FAM156A: variants seen among roughly 807,000 people sequenced by gnomAD.
FAM156A encodes the protein protein FAM156A/FAM156B.
At chrX:52,993,169 T>C (rs1930902345) in intron 1 of FAM156A, among the ~76,000 whole-genome samples, 1 of 111,027 alleles carries the variant, frequency 9.0e-6, no homozygotes, top group Admixed American at 9.6e-5. Flanking sequence ...TGAGCCTTTC[T>C]TTACCATCAC....
intron 1 of FAM156A, among the ~76,000 whole-genome samples, chrX:52,979,861 C>A (rs1441377495): frequency 1.8e-5 from 2 of 112,557 alleles, no homozygotes; most frequent in Non-Finnish European, 3.8e-5. Context: ...TTCCTCTGTA[C>A]CGACTGCAAC....
At chrX:52,995,287 C>T (rs782244611) in intron 1 of FAM156A, 1 of 112,821 alleles carries the variant, frequency 8.9e-6, no homozygotes, top group South Asian at 3.6e-4. Context: ...TAAGGATAAA[C>T]AAGACTGAAA....
intron 1 of FAM156A, among the ~76,000 whole-genome samples, chrX:52,980,118 T>A (rs782345582): frequency 7.1e-5 from 8 of 112,112 alleles, no homozygotes; most frequent in Non-Finnish European, 3.8e-5. Context: ...CACTTCCCTG[T>A]AAACTGGGTG....
intron 1 of FAM156A, among the ~76,000 whole-genome samples, chrX:52,983,872 G>A (rs1056302141): frequency 5.3e-5 from 6 of 112,465 alleles, no homozygotes; most frequent in Non-Finnish European, 7.5e-5. Context: ...GTTTCACAGC[G>A]TGTGTGAGGC....
chrX:52,979,856 C>A (rs1556793043), intron 1 of FAM156A, among the ~76,000 whole-genome samples: 1 of 112,606 alleles, frequency 8.9e-6, no homozygotes, highest in African/African-American at 3.2e-5. Flanking sequence ...GCTGTTTCCT[C>A]TGTACCGACT....
intron 1 of FAM156A, among the ~76,000 whole-genome samples, chrX:52,976,052 G>A (rs1467870590): frequency 2.7e-5 from 3 of 110,831 alleles, no homozygotes; most frequent in South Asian, 3.8e-4. Context: ...TGCTGCCCCC[G>A]AGGGTCACTG....
At chrX:52,977,678 C>T (rs1339028200) in intron 1 of FAM156A, among the ~76,000 whole-genome samples, 2 of 111,475 alleles carry the variant, frequency 1.8e-5, no homozygotes, top group South Asian at 3.8e-4. Context: ...CCAAGCAATC[C>T]TCCTGCCTTG....
chrX:52,982,572 A>G (rs1402385459), intron 1 of FAM156A, among the ~76,000 whole-genome samples: 1 of 112,197 alleles, frequency 8.9e-6, no homozygotes, highest in African/African-American at 3.2e-5. Context: ...ACTCAATGTA[A>G]TTCAATATAT....
intron 1 of FAM156A, among the ~76,000 whole-genome samples, chrX:52,980,969 G>A (rs1461880986): frequency 1.9e-5 from 2 of 107,597 alleles, no homozygotes; most frequent in African/African-American, 3.4e-5. Context: ...GGGCAGTCTC[G>A]AGGCAGAATT....
chrX:52,993,903 C>T (rs1930981657), intron 1 of FAM156A, among the ~76,000 whole-genome samples: 1 of 111,300 alleles, frequency 9.0e-6, no homozygotes, highest in African/African-American at 3.3e-5. Flanking sequence ...GGGCCCTTTA[C>T]ACACATTGCT....
At chrX:52,974,865 C>T (rs1185070636) in intron 1 of FAM156A, among the ~76,000 whole-genome samples, 2 of 110,245 alleles carry the variant, frequency 1.8e-5, no homozygotes, top group Non-Finnish European at 3.8e-5. Context: ...GGCTGGGTTC[C>T]GAAAGGGACT....
intron 1 of FAM156A, among the ~76,000 whole-genome samples, chrX:52,981,564 G>A (rs1929908236): frequency 9.0e-6 from 1 of 111,514 alleles, no homozygotes; most frequent in Non-Finnish European, 1.9e-5. Context: ...AGGGTTCCTC[G>A]TCCATCCAAA....
intron 1 of FAM156A, among the ~76,000 whole-genome samples, chrX:52,983,202 A>G (rs1031187407): frequency 8.9e-6 from 1 of 112,286 alleles, no homozygotes; most frequent in Non-Finnish European, 1.9e-5. Context: ...ACAGTGAGCC[A>G]TGATTGCACC....
At chrX:52,988,063 A>C (rs1209389951) in intron 1 of FAM156A, among the ~76,000 whole-genome samples, 1 of 110,908 alleles carries the variant, frequency 9.0e-6, no homozygotes, top group Admixed American at 9.6e-5. Context: ...CAACATGGTG[A>C]AACCCCGTCT....
At chrX:52,981,552 C>G (rs1449231324) in intron 1 of FAM156A, among the ~76,000 whole-genome samples, 1 of 111,830 alleles carries the variant, frequency 8.9e-6, no homozygotes, top group Non-Finnish European at 1.9e-5. Flanking sequence ...ACTTTTCCCT[C>G]TAGGGTTCCT....
At chrX:52,974,615 T>C (rs1282600490) in intron 1 of FAM156A, among the ~76,000 whole-genome samples, 1 of 111,427 alleles carries the variant, frequency 9.0e-6, no homozygotes, top group Non-Finnish European at 1.9e-5. Flanking sequence ...GCCAAGACGA[T>C]GATGGACTAA....
chrX:52,981,760 G>C (rs1424907422), intron 1 of FAM156A, among the ~76,000 whole-genome samples: 1 of 110,535 alleles, frequency 9.0e-6, no homozygotes, highest in African/African-American at 3.3e-5. Flanking sequence ...AGGTGTAATT[G>C]TGCACTCGGC....
At chrX:52,974,853 G>A (rs1448387335) in intron 1 of FAM156A, among the ~76,000 whole-genome samples, 1 of 110,241 alleles carries the variant, frequency 9.1e-6, no homozygotes, top group Non-Finnish European at 1.9e-5. Context: ...TCATCTCCTC[G>A]GGGCTGGGTT....
intron 1 of FAM156A, among the ~76,000 whole-genome samples, chrX:52,982,180 G>A (rs782064497): frequency 4.5e-5 from 5 of 112,145 alleles, no homozygotes; most frequent in East Asian, 2.8e-4. Flanking sequence ...AAGGCTGGGC[G>A]TGGTGGCTCA....
Sources: allele counts gnomAD v4.1 joint callset (sites outside exome capture counted in the v4.1 genomes callset), GRCh38; gene constraint gnomAD v4.1.1; transcripts MANE v1.5; gene names NCBI Gene and HGNC (gene_info 2026-07-23, HGNC 2026-07-21).